MPPED2: variants seen among roughly 807,000 people sequenced by gnomAD.
MPPED2 encodes metallophosphoesterase MPPED2.
A neutral mutation model predicts 33.0 loss-of-function variants in MPPED2; 5 were observed. That is an observed-to-expected ratio of 0.15 (90% confidence interval 0.08 to 0.32). MPPED2 has a LOEUF of 0.32. Ranked by LOEUF, MPPED2 falls within the 10% of genes least tolerant of loss-of-function variation. MPPED2 has a pLI of 1.00. For missense variants in MPPED2, 275 were observed against 372.1 expected, an observed-to-expected ratio of 0.74 and a Z score of 2.15; for synonymous variants, 136 against 141.9, an observed-to-expected ratio of 0.96 and a Z score of 0.29.
At chr11:30,442,550 C>A (rs1315272344) in intron 4 of MPPED2, among the ~76,000 whole-genome samples, 1 of 152,148 alleles carries the variant, frequency 6.6e-6, no homozygotes, top group Admixed American at 6.5e-5. Flanking sequence ...ACTCATTCAG[C>A]CACATAACAA....
At chr11:30,498,961 C>G (rs914335766) in intron 3 of MPPED2, among the ~76,000 whole-genome samples, 2 of 152,160 alleles carry the variant, frequency 1.3e-5, no homozygotes, top group African/African-American at 2.4e-5. Context: ...TGAGTTTTAT[C>G]TATTCTGTAT....
intron 5 of MPPED2, among the ~76,000 whole-genome samples, chr11:30,416,450 T>TC (rs1284714435): frequency 1.3e-5 from 2 of 152,238 alleles, no homozygotes; most frequent in East Asian, 1.9e-4. Flanking sequence ...TATTTTTTTT[T>TC]CTTTTTATTT....
rs776115453 is a variant in MPPED2 at position 30,580,419 on chromosome 11, A to G, written c.-46T>C. On this transcript the variant is annotated 5_prime_UTR_variant, in exon 2 of 7. Transcript: ENST00000358117. ...AGCAATTCACAACTTTACAGAGCAA[A>G]AGATGGAAGCAGGCATGGTGCGTTT... The G allele has an allele frequency of 1.3e-5, 21 of 1,608,170 alleles. No individual in the cohort carries two copies. The South Asian group carries it at 2.2e-4, about 17-fold the overall frequency.
intron 4 of MPPED2, among the ~76,000 whole-genome samples, chr11:30,463,860 A>G (rs1222325): frequency 0.21 from 32,132 of 151,860 alleles, 4,067 homozygotes; most frequent in Non-Finnish European, 0.3. Context: ...TTATATATAT[A>G]TATATACACA....
intron 2 of MPPED2, among the ~76,000 whole-genome samples, chr11:30,555,229 C>T (rs535106040): frequency 4.6e-5 from 7 of 152,288 alleles, no homozygotes; most frequent in Admixed American, 3.9e-4. Flanking sequence ...CACCTCAACA[C>T]TGTGACTCTC....
At chr11:30,397,865 T>C (rs1233668773) in intron 6 of MPPED2, among the ~76,000 whole-genome samples, 1 of 152,166 alleles carries the variant, frequency 6.6e-6, no homozygotes, top group East Asian at 1.9e-4. Flanking sequence ...ATTATCATCA[T>C]CTGAGGTTCA....
intron 3 of MPPED2, among the ~76,000 whole-genome samples, chr11:30,496,006 A>G (rs1952233578): frequency 1.3e-5 from 2 of 152,204 alleles, no homozygotes; most frequent in Admixed American, 6.5e-5. Context: ...ATTGACATAC[A>G]TTAAAGGAAC....
At chr11:30,465,603 T>C (rs1175132970) in intron 4 of MPPED2, among the ~76,000 whole-genome samples, 1 of 152,198 alleles carries the variant, frequency 6.6e-6, no homozygotes, top group Non-Finnish European at 1.5e-5. Flanking sequence ...GCCTAGCCTT[T>C]TCTGCTTTGT....
chr11:30,487,984 C>G (rs1282199839), intron 4 of MPPED2, among the ~76,000 whole-genome samples: 1 of 152,030 alleles, frequency 6.6e-6, no homozygotes, highest in Non-Finnish European at 1.5e-5. Context: ...GTTGCTCAGG[C>G]CACGGAGTAG....
At chr11:30,404,441 G>T (rs938268601) in intron 6 of MPPED2, among the ~76,000 whole-genome samples, 1 of 152,178 alleles carries the variant, frequency 6.6e-6, no homozygotes, top group Non-Finnish European at 1.5e-5. Context: ...AAACAAACCA[G>T]CTACGTGACA....
At chr11:30,489,647 G>A (rs1951886040) in intron 4 of MPPED2, among the ~76,000 whole-genome samples, 1 of 152,152 alleles carries the variant, frequency 6.6e-6, no homozygotes, top group Admixed American at 6.5e-5. Context: ...TACTAAATCT[G>A]ACAAATTACA....
At chr11:30,465,106 C>T (rs979370692) in intron 4 of MPPED2, among the ~76,000 whole-genome samples, 27 of 152,050 alleles carry the variant, frequency 1.8e-4, no homozygotes, top group African/African-American at 3.9e-4. Flanking sequence ...AGTTCTCAAA[C>T]GGAAGTGATG....
downstream of MPPED2, among the ~76,000 whole-genome samples, chr11:30,407,737 G>T (rs1948012224): frequency 1.3e-5 from 2 of 152,104 alleles, no homozygotes; most frequent in African/African-American, 4.8e-5. Flanking sequence ...TGGGCGCGGT[G>T]GCACGAGCCT....
intron 6 of MPPED2, among the ~76,000 whole-genome samples, chr11:30,401,318 C>T (rs1026128532): frequency 4.6e-5 from 7 of 152,182 alleles, no homozygotes; most frequent in African/African-American, 1.7e-4. Flanking sequence ...GTTGGGTTCT[C>T]TCTTTGGCCT....
chr11:30,517,925 C>A (rs916142134), intron 3 of MPPED2, among the ~76,000 whole-genome samples: 2 of 152,036 alleles, frequency 1.3e-5, no homozygotes, highest in African/African-American at 4.8e-5. Context: ...TCTTACTCTG[C>A]GATGCATTTT....
chr11:30,447,153 G>A (rs1401862818), intron 4 of MPPED2, among the ~76,000 whole-genome samples: 6 of 152,150 alleles, frequency 3.9e-5, no homozygotes, highest in South Asian at 2.1e-4. Context: ...CCCCTGCCCC[G>A]CAGTGCCTGG....
chr11:30,460,706 G>C (rs1234308250), intron 4 of MPPED2, among the ~76,000 whole-genome samples: 1 of 152,028 alleles, frequency 6.6e-6, no homozygotes, highest in East Asian at 1.9e-4. Flanking sequence ...ATGAATACTG[G>C]TTTTATATTG....
rs1005444578 is a variant in MPPED2, at chr11:30,557,225, A to AATATATATATATATATATT, written c.129-21051_129-21050insAATATATATATATATATAT. Among the ~76,000 whole-genome samples the AATATATATATATATATATT allele has an allele frequency of 4.0e-3, 561 of 141,784 alleles. 51 individuals are homozygous for AATATATATATATATATATT. The highest frequency in any genetic ancestry group is 0.017 in the African/African-American group (549 of 31,858). The allele number at this position is 141,784 out of a possible 152,430, so 93.0% of individuals were successfully genotyped here. A position where few individuals can be genotyped will look rare whatever the true frequency, so the allele number is the denominator to read the frequency against. ...CCAAATAAGCAAATTATATATATAT[A>AATATATATATATATATATT]ATATATATATCAAAACTCTGAAACA... On this transcript the variant is annotated intron_variant, in intron 2 of 6. Transcript: ENST00000358117.
chr11:30,406,424 T>C (rs573612473), downstream of MPPED2, among the ~76,000 whole-genome samples: 10 of 152,330 alleles, frequency 6.6e-5, 1 homozygote, highest in South Asian at 2.1e-3. Context: ...GAACCTCTCC[T>C]GATCTCCAGA....
Sources: allele counts gnomAD v4.1 joint callset (sites outside exome capture counted in the v4.1 genomes callset), GRCh38; gene constraint gnomAD v4.1.1; transcripts MANE v1.5; gene names NCBI Gene and HGNC (gene_info 2026-07-23, HGNC 2026-07-21).